The following MCF2L variants were observed in gnomAD, a reference collection of about 807,000 sequenced individuals.
MCF2L encodes the protein MCF.2 cell line derived transforming sequence like, also known as guanine nucleotide exchange factor DBS.
MCF2L carries 97 observed loss-of-function variants against 153.4 expected under a neutral mutation model. That is an observed-to-expected ratio of 0.63 (90% confidence interval 0.54 to 0.75). MCF2L has a LOEUF of 0.75. Ranked by LOEUF, MCF2L falls within the 30% of genes least tolerant of loss-of-function variation. MCF2L has a pLI of 0.00. For synonymous variants in MCF2L, 659 were observed against 632.2 expected (o/e 1.04, Z -0.64); for missense variants, 1,347 against 1,495.2 (o/e 0.90, Z 1.64).
At chr13:113,051,300 C>G (rs2087304554) in intron 4 of MCF2L, among the ~76,000 whole-genome samples, 1 of 152,120 alleles carries the variant, frequency 6.6e-6, no homozygotes, top group African/African-American at 2.4e-5. Flanking sequence ...GCGGCCTGGG[C>G]CTTTCTGTCT....
chr13:113,067,006 C>T (rs769240390), intron 8 of MCF2L, among the ~76,000 whole-genome samples: 3 of 152,360 alleles, frequency 2.0e-5, no homozygotes, highest in Non-Finnish European at 1.5e-5. Context: ...AGGGGCTCCT[C>T]GTAGATGGGG....
In MCF2L at chr13:113,095,043, C is replaced by G. The variant is rs1249093508; in HGVS notation, c.3075+408C>G. ...GAGGAGACAGTCCCCACCCCCCTAC[C>G]CTTTATGTCATAGAATGCTGTCACT... On this transcript the variant is annotated intron_variant, in intron 27 of 29. Transcript: ENST00000535094. 2.2e-6 allele frequency: 3 copies of G among 1,371,924 alleles called. No individual in the cohort carries two copies. In the South Asian group the frequency reaches 3.4e-5, roughly 16 times the overall value. 85.0% of individuals were successfully genotyped at this position (1,371,924 alleles called of 1,614,324 possible).
At chr13:113,029,050 C>A (rs1363194144) in intron 3 of MCF2L, among the ~76,000 whole-genome samples, 1 of 152,088 alleles carries the variant, frequency 6.6e-6, no homozygotes, top group Non-Finnish European at 1.5e-5. Context: ...CCTTTCTTCC[C>A]AGGTAGGTCT....
chr13:112,917,429 G>A, intron 2 of MCF2L: 1 of 334,656 alleles, frequency 3.0e-6, no homozygotes, highest in South Asian at 2.3e-5. Context: ...ATCCAGCCAG[G>A]CTACCGCCCT....
chr13:113,021,168 A>G (rs1185530003), intron 2 of MCF2L, among the ~76,000 whole-genome samples: 1 of 152,068 alleles, frequency 6.6e-6, no homozygotes, highest in African/African-American at 2.4e-5. Context: ...GTGTGTGTCT[A>G]GCTGTATGTG....
intron 1 of MCF2L, among the ~76,000 whole-genome samples, chr13:113,013,950 C>A (rs1322571009): frequency 1.3e-5 from 2 of 150,362 alleles, no homozygotes; most frequent in Non-Finnish European, 2.9e-5. Context: ...TGGTGCTGAC[C>A]CCATGCTCCG....
rs2082961372 is a variant in MCF2L, at chr13:112,993,171, T to C, written c.80-21592T>C. On this transcript the variant is annotated intron_variant, in intron 1 of 29. Coordinates refer to ENST00000535094, the MANE Select transcript of MCF2L (RefSeq NM_001112732.3). The surrounding 1 kb of genome is among the most constrained non-coding windows in gnomAD (Gnocchi z 4.6). ...GCATGGGGAGGCCACAGAGAGGCTG[T>C]ACTGACAGAGGCTGGGGGAGGATCT... 6.6e-6 allele frequency among the ~76,000 whole-genome samples: 1 copy of C among 152,204 alleles called. No individual in the cohort carries two copies. Among genetic ancestry groups the C allele is most frequent in the Admixed American group, 6.5e-5 (1 of 15,288 alleles).
chr13:113,020,274 G>A (rs1026802711), intron 2 of MCF2L, among the ~76,000 whole-genome samples: 1 of 152,216 alleles, frequency 6.6e-6, no homozygotes, highest in Non-Finnish European at 1.5e-5. Context: ...TGTTTGGGCC[G>A]AGGCATCACA....
rs931668208 is a variant in MCF2L, at chr13:113,035,413, G to T, written c.279-9858G>T. Among the ~76,000 whole-genome samples, 6 of 152,048 alleles carry T rather than the reference G, an allele frequency of 3.9e-5. No individual in the cohort carries two copies. Among genetic ancestry groups the T allele is most frequent in the Non-Finnish European group, 8.8e-5 (6 of 68,014 alleles). ...TCCTGCAGCCACAGAGACTTCCTTG[G>T]CGGGAAACCAGGTCCTCTGACCTCA... is the stretch of plus-strand genomic sequence containing the variant. On this transcript the variant is annotated intron_variant, in intron 3 of 29. Transcript: ENST00000535094. The surrounding 1 kb of genome is among the most constrained non-coding windows in gnomAD (Gnocchi z 4.4).
At chr13:112,906,384 C>T (rs1258107826) in intron 2 of MCF2L, among the ~76,000 whole-genome samples, 3 of 152,228 alleles carry the variant, frequency 2.0e-5, no homozygotes, top group Non-Finnish European at 4.4e-5. Flanking sequence ...ATGGGGAAGG[C>T]GTGGCCAGCA....
chr13:113,012,790 G>A (rs1440157615), intron 1 of MCF2L, among the ~76,000 whole-genome samples: 2 of 112,792 alleles, frequency 1.8e-5, no homozygotes, highest in Non-Finnish European at 3.9e-5. Flanking sequence ...GGTGGACACT[G>A]TGATGCGGAC....
At chr13:112,979,551 C>T in intron 1 of MCF2L, 1 of 1,538,808 alleles carries the variant, frequency 6.5e-7, no homozygotes, top group Non-Finnish European at 8.7e-7. Context: ...CGGCTTTTAG[C>T]TGTCGCAGCA....
intron 3 of MCF2L, among the ~76,000 whole-genome samples, chr13:113,030,292 C>T (rs143543383): frequency 2.9e-5 from 4 of 139,838 alleles, no homozygotes; most frequent in South Asian, 2.3e-4. Context: ...TGTGGGCCCT[C>T]GGGTGTCCGC....
chr13:113,093,105 G>A (rs1399807812), intron 26 of MCF2L, among the ~76,000 whole-genome samples: 1 of 152,250 alleles, frequency 6.6e-6, no homozygotes, highest in Non-Finnish European at 1.5e-5. Flanking sequence ...GAGCGACTGG[G>A]GGCCTGGACG....
chr13:112,934,866 A>G (rs969993264), intron 2 of MCF2L, among the ~76,000 whole-genome samples: 2 of 152,176 alleles, frequency 1.3e-5, no homozygotes, highest in Admixed American at 6.5e-5. Flanking sequence ...ACTCCCTGCA[A>G]TGCTTGGGCC....
intron 2 of MCF2L, among the ~76,000 whole-genome samples, chr13:113,017,651 C>T (rs1007070248): frequency 1.8e-4 from 27 of 152,292 alleles, no homozygotes; most frequent in Non-Finnish European, 3.1e-4. Context: ...GCTCCCCTCC[C>T]GCCCCAGCAT....
rs573670311 is a variant in MCF2L at position 113,003,729 on chromosome 13, T to C, written c.80-11034T>C. On this transcript the variant is annotated intron_variant, in intron 1 of 29. Coordinates refer to ENST00000535094, the MANE Select transcript of MCF2L (RefSeq NM_001112732.3). ...GTGTCTCACGTCCTCTTAGGGTACA[T>C]TGAAGAAGCATTGTCGGTGCCAGGG... 1.9e-4 allele frequency among the ~76,000 whole-genome samples: 29 copies of C among 152,302 alleles called. 1 individual carries two copies. The highest frequency in any genetic ancestry group is 6.7e-4 in the African/African-American group (28 of 41,574).
rs1037624774 is a variant in MCF2L, at chr13:112,983,257, C to T, written c.79+13799C>T. Among the ~76,000 whole-genome samples the T allele has an allele frequency of 1.3e-5, 2 of 152,118 alleles. No individual in the cohort carries two copies. ...GGACGGGAAGCTCCAGTAAGATTCA[C>T]CATGGGATTTTTCACCAGAAACTCC... On this transcript the variant is annotated intron_variant, in intron 1 of 29. Transcript: ENST00000535094. This position sits in a 1 kb window ranked among gnomAD's most constrained non-coding sequence, Gnocchi z 4.0.
Position 113,045,334 on chromosome 13 carries a change from C to T in MCF2L, c.342C>T (p.Ser114=), listed in dbSNP as rs138820514. The change falls in exon 4 of 30, where the codon TCC becomes TCT. Residue 114 remains serine (S), a synonymous_variant. Coordinates refer to ENST00000535094, the MANE Select transcript of MCF2L (RefSeq NM_001112732.3). The surrounding 1 kb of genome is among the most constrained non-coding windows in gnomAD (Gnocchi z 4.2). ...VIDRRRDKWT[S]VKASVLRIAA... ...ACCGGCGACGGGACAAATGGACCTC[C>T]GTGAAGGCGTCCGTCCTGCGCATCG... 21 of 1,613,948 alleles carry T rather than the reference C, an allele frequency of 1.3e-5. No homozygotes were observed. The highest frequency in any genetic ancestry group is 1.6e-4 in the Middle Eastern group (1 of 6,084).
Sources: gnomAD v4.1 joint callset for allele counts (sites outside exome capture counted in the v4.1 genomes callset) on GRCh38, gnomAD v4.1.1 for gene constraint, Gnocchi (gnomAD v3.1) non-coding constraint, MANE v1.5 for transcripts, NCBI Gene and HGNC (gene_info 2026-07-23, HGNC 2026-07-21) for gene names.